Variants in IL1RAPL1 observed in about 807,000 individuals in gnomAD.
The protein encoded by IL1RAPL1 is interleukin-1 receptor accessory protein-like 1.
In IL1RAPL1, 3 loss-of-function variants were observed where a neutral mutation model predicts 48.4. The ratio of observed to expected loss-of-function variants is 0.06; its 90% CI spans 0.03 to 0.16. The LOEUF is 0.16. Ranked by LOEUF, IL1RAPL1 falls within the 10% of genes least tolerant of loss-of-function variation. IL1RAPL1 has a pLI of 1.00. For synonymous variants in IL1RAPL1, 185 were observed against 187.7 expected (o/e 0.99, Z 0.12); for missense variants, 349 against 530.6 (o/e 0.66, Z 3.36).
intron 3 of IL1RAPL1, among the ~76,000 whole-genome samples, chrX:29,385,866 G>T (rs1933769582): frequency 9.0e-6 from 1 of 111,645 alleles, no homozygotes; most frequent in African/African-American, 3.3e-5. Context: ...ACCTAGGAGA[G>T]GTGTTGTTGG....
At chrX:29,492,954 T>C (rs181125157) in intron 5 of IL1RAPL1, among the ~76,000 whole-genome samples, 1 of 111,933 alleles carries the variant, frequency 8.9e-6, no homozygotes, top group African/African-American at 3.2e-5. Context: ...GAAGCAAGCT[T>C]GAACAGAGCC....
intron 3 of IL1RAPL1, among the ~76,000 whole-genome samples, chrX:29,318,043 T>C (rs1932776303): frequency 8.9e-6 from 1 of 112,030 alleles, no homozygotes; most frequent in Non-Finnish European, 1.9e-5. Context: ...CTCTCCAAGA[T>C]AGAACTGATA....
intron 5 of IL1RAPL1, among the ~76,000 whole-genome samples, chrX:29,532,885 C>A (rs192123072): frequency 1.8e-5 from 2 of 111,465 alleles, no homozygotes; most frequent in African/African-American, 6.5e-5. Context: ...AAGCGATGGG[C>A]AAATATGGAG....
At chrX:29,605,071 AACACACAC>A (rs757087732) in intron 5 of IL1RAPL1, among the ~76,000 whole-genome samples, 11,558 of 64,944 alleles carry the variant, frequency 0.18, 942 homozygotes, top group East Asian at 0.33. Flanking sequence ...CTAAGTCTTA[AACACACAC>A]ACACACACAC....
chrX:29,465,991 A>G (rs750041000), intron 5 of IL1RAPL1, among the ~76,000 whole-genome samples: 22 of 112,490 alleles, frequency 2.0e-4, no homozygotes, highest in Admixed American at 3.8e-4. Context: ...CAGGTTGCCA[A>G]ATTCAGCAAA....
chrX:28,979,629 T>A (rs978636899), intron 2 of IL1RAPL1, among the ~76,000 whole-genome samples: 2 of 111,731 alleles, frequency 1.8e-5, no homozygotes, highest in Admixed American at 1.9e-4. Context: ...AGCCTTAATC[T>A]GATAGCAAAA....
At chrX:29,265,806 A>AT (rs1304781423) in intron 2 of IL1RAPL1, among the ~76,000 whole-genome samples, 1 of 109,606 alleles carries the variant, frequency 9.1e-6, no homozygotes, top group African/African-American at 3.3e-5. Flanking sequence ...TGAACTCATC[A>AT]TTTTTTATGG....
intron 1 of IL1RAPL1, among the ~76,000 whole-genome samples, chrX:28,681,906 T>C (rs1453136562): frequency 8.9e-6 from 1 of 112,063 alleles, no homozygotes; most frequent in East Asian, 2.8e-4. Flanking sequence ...CAAGACATTC[T>C]TGTTACACCA....
chrX:29,419,847 T>A lies in IL1RAPL1; in HGVS notation c.703+20539T>A, dbSNP rs191695297. On this transcript the variant is annotated intron_variant, in intron 5 of 10. Coordinates refer to ENST00000378993, the MANE Select transcript of IL1RAPL1 (RefSeq NM_014271.4). Reference sequence around the variant, plus strand: ...TACTTTGGAAATAGTTTCTAGTGGGTGGGTGTGGCAGAGGAGACTCTTGTT... The same window carrying A: ...TACTTTGGAAATAGTTTCTAGTGGGAGGGTGTGGCAGAGGAGACTCTTGTT... Among the ~76,000 whole-genome samples, 516 of 110,969 alleles carry A rather than the reference T, an allele frequency of 4.6e-3. 5 individuals are homozygous for A. The highest frequency in any genetic ancestry group is 9.3e-3 in the Middle Eastern group (2 of 216).
At chrX:29,151,918 G>T (rs1203142868) in intron 2 of IL1RAPL1, among the ~76,000 whole-genome samples, 1 of 111,741 alleles carries the variant, frequency 8.9e-6, no homozygotes, top group Non-Finnish European at 1.9e-5. Flanking sequence ...TATTTGCTCT[G>T]CCAGCCTATA....
intron 6 of IL1RAPL1, among the ~76,000 whole-genome samples, chrX:29,679,461 A>G (rs780592698): frequency 1.8e-5 from 2 of 111,567 alleles, no homozygotes; most frequent in Non-Finnish European, 3.8e-5. Context: ...GACTAGTTTT[A>G]TGCACTCTGC....
At chrX:28,864,719 G>C (rs2147304572) in intron 2 of IL1RAPL1, among the ~76,000 whole-genome samples, 1 of 111,510 alleles carries the variant, frequency 9.0e-6, no homozygotes, top group African/African-American at 3.3e-5. Context: ...CTAGTGTTGG[G>C]CATGAAGGAA....
intron 1 of IL1RAPL1, among the ~76,000 whole-genome samples, chrX:28,612,306 G>A (rs919683940): frequency 8.9e-6 from 1 of 112,088 alleles, no homozygotes; most frequent in African/African-American, 3.2e-5. Flanking sequence ...CAAAGAAAGG[G>A]GTGCACACAC....
At chrX:29,860,971 G>A (rs66786703) in intron 6 of IL1RAPL1, among the ~76,000 whole-genome samples, 19,868 of 111,692 alleles carry the variant, frequency 0.18, 3,214 homozygotes, top group African/African-American at 0.51. Flanking sequence ...AGGAGTAAGA[G>A]GAGGAGAAAG....
rs771463513 is a variant in IL1RAPL1 at position 29,757,051 on chromosome X, C to T, written c.778+88547C>T. Among the ~76,000 whole-genome samples the T allele has an allele frequency of 8.9e-5, 10 of 111,850 alleles. No homozygotes were observed. In the South Asian group the frequency reaches 1.1e-3, roughly 12 times the overall value. On this transcript the variant is annotated intron_variant, in intron 6 of 10. Coordinates refer to ENST00000378993, the MANE Select transcript of IL1RAPL1 (RefSeq NM_014271.4). Reference sequence around the variant, plus strand: ...ATTCCCCTACATGTTTCAAAGGGATCGTGGTTCCGCCAACACCTTGATTTG... The same window carrying T: ...ATTCCCCTACATGTTTCAAAGGGATTGTGGTTCCGCCAACACCTTGATTTG...
At chrX:29,028,960 A>G (rs1406540637) in intron 2 of IL1RAPL1, among the ~76,000 whole-genome samples, 3 of 111,423 alleles carry the variant, frequency 2.7e-5, no homozygotes, top group African/African-American at 9.8e-5. Flanking sequence ...TAATTTATAA[A>G]GGAAAGGGGT....
intron 6 of IL1RAPL1, among the ~76,000 whole-genome samples, chrX:29,725,370 GC>G (rs1181964594): frequency 4.5e-5 from 5 of 111,122 alleles, no homozygotes; most frequent in African/African-American, 1.6e-4. Context: ...TGCTTCCTAA[GC>G]CCTCATGGTT....
intron 2 of IL1RAPL1, among the ~76,000 whole-genome samples, chrX:28,967,038 T>TAAC (rs1569209927): frequency 8.9e-6 from 1 of 112,168 alleles, no homozygotes; most frequent in Non-Finnish European, 1.9e-5. Context: ...TGCTGTGATA[T>TAAC]AACACAATGA....
chrX:28,735,317 T>A (rs969551068), intron 1 of IL1RAPL1, among the ~76,000 whole-genome samples: 2 of 110,815 alleles, frequency 1.8e-5, no homozygotes, highest in Non-Finnish European at 3.8e-5. Flanking sequence ...ATTTTTTTTT[T>A]AAATCTTCAA....
Sources: allele counts gnomAD v4.1 joint callset (sites outside exome capture counted in the v4.1 genomes callset), GRCh38; gene constraint gnomAD v4.1.1; transcripts MANE v1.5; gene names NCBI Gene and HGNC (gene_info 2026-07-23, HGNC 2026-07-21).